Variants in RBM4B observed in about 807,000 individuals in gnomAD.
The protein encoded by RBM4B is RNA binding motif protein 4B, also known as RNA-binding protein 4B.
RBM4B carries 13 observed loss-of-function variants against 28.5 expected under a neutral mutation model. The observed-to-expected ratio is 0.46, with a 90% CI of 0.30 to 0.72. RBM4B has a LOEUF of 0.72. RBM4B is among the 30% of genes least tolerant of loss of function. RBM4B has a pLI of 0.09. For synonymous variants in RBM4B, 167 were observed against 179.1 expected (o/e 0.93, Z 0.54); for missense variants, 387 against 477.6 (o/e 0.81, Z 1.77).
At chr11:66,672,508 G>A (rs895570411) in intron 2 of RBM4B, among the ~76,000 whole-genome samples, 2 of 150,638 alleles carry the variant, frequency 1.3e-5, no homozygotes, top group Non-Finnish European at 3.0e-5. Flanking sequence ...ATTTTTTTGG[G>A]GGGGGGGGAC....
intron 2 of RBM4B, among the ~76,000 whole-genome samples, chr11:66,669,499 T>A (rs532431551): frequency 7.2e-4 from 110 of 151,886 alleles, no homozygotes; most frequent in African/African-American, 2.5e-3. Flanking sequence ...CAGGCTGGAG[T>A]GCAGTGGCAC....
chr11:66,673,781 G>A (rs1939547555), intron 2 of RBM4B, among the ~76,000 whole-genome samples: 1 of 152,136 alleles, frequency 6.6e-6, no homozygotes, highest in African/African-American at 2.4e-5. Context: ...CTTTTAAGAG[G>A]CCACCTTCAT....
intron 3 of RBM4B, chr11:66,667,812 T>G (rs1291382460): frequency 6.6e-6 from 1 of 151,956 alleles, no homozygotes; most frequent in Non-Finnish European, 1.5e-5. Context: ...GCTCAAGCAA[T>G]CCTTCCAACC....
At position 66,668,791 on chromosome 11, in the gene RBM4B, G is replaced by A; in HGVS notation, c.913C>T (p.Pro305Ser). Residue 305 changes from proline to serine, a missense_variant, in exon 3 of 4, where the codon CCA (proline) becomes TCA (serine). By Grantham distance (74) the Pro-to-Ser change is moderately conservative (BLOSUM62 -1). This residue lies in a region of RBM4B where 226 missense variants were observed against 220.6 expected (regional missense o/e 1.02). Coordinates refer to ENST00000310046, the MANE Select transcript of RBM4B (RefSeq NM_031492.4). ...TSSYYGRDRS[P>S]LRRAAAMLPT... is the part of the protein sequence containing the mutation. ...AGCATGGCTGCAGCACGACGCAGTGGGCTCCTGTCCCTTCCATAGTAGGAG... is the reference window on the plus strand; with the variant it reads ...AGCATGGCTGCAGCACGACGCAGTGAGCTCCTGTCCCTTCCATAGTAGGAG... 1 of 1,614,220 alleles carries A rather than the reference G, an allele frequency of 6.2e-7. No homozygotes were observed. Among genetic ancestry groups the A allele is most frequent in the Non-Finnish European group, 8.5e-7 (1 of 1,180,042 alleles).
Position 66,677,280 on chromosome 11 carries a change from C to G in RBM4B, c.-12-189G>C, listed in dbSNP as rs865956683. ...GTGCGAGCTATGCGTGACATGCAAACAGGAGGTCGAGGGTCAGCATGCATA... is the reference window on the plus strand; with the variant it reads ...GTGCGAGCTATGCGTGACATGCAAAGAGGAGGTCGAGGGTCAGCATGCATA... On this transcript the variant is annotated intron_variant, in intron 1 of 3. Coordinates refer to ENST00000310046, the MANE Select transcript of RBM4B (RefSeq NM_031492.4). The G allele has an allele frequency of 5.7e-6, 4 of 702,220 alleles. No individual in the cohort carries two copies. In the South Asian group the frequency reaches 7.9e-5, roughly 14 times the overall value. 43.5% of individuals were successfully genotyped at this position (702,220 alleles called of 1,614,324 possible).
intron 3 of RBM4B, 37 bp from the exon 4 acceptor site, chr11:66,665,615 C>T: frequency 2.6e-6 from 4 of 1,535,796 alleles, no homozygotes; most frequent in South Asian, 1.2e-5. Flanking sequence ...TTACACAATG[C>T]CTGGAGAGCA....
chr11:66,677,392 C>A (rs1343597865), intron 1 of RBM4B: 2 of 428,474 alleles, frequency 4.7e-6, no homozygotes, highest in African/African-American at 2.0e-5. Flanking sequence ...AGAGAAAAGC[C>A]CAAGCAAAGG....
At position 66,676,882 on chromosome 11, in the gene RBM4B, G is replaced by A. The variant is rs757657617; in HGVS notation, c.198C>T (p.Asn66=). 1.9e-6 allele frequency: 3 copies of A among 1,614,114 alleles called. No homozygotes were observed. Among genetic ancestry groups the A allele is most frequent in the Non-Finnish European group, 2.5e-6 (3 of 1,180,016 alleles). Reference sequence around the variant, plus strand: ...TGCTCTTATTCTTGCTGGCTTCCACGTTGATGTTCACCCCATGAAGCTTGT... The same window carrying A: ...TGCTCTTATTCTTGCTGGCTTCCACATTGATGTTCACCCCATGAAGCTTGT... ...HHYKLHGVNI[N]VEASKNKSKA... The change falls in exon 2 of 4, where the codon AAC becomes AAT. Residue 66 remains asparagine, a synonymous_variant. Transcript: ENST00000310046.
intron 3 of RBM4B, chr11:66,666,230 C>T: frequency 1.1e-6 from 1 of 936,640 alleles, no homozygotes; most frequent in Non-Finnish European, 1.4e-6. Flanking sequence ...ATGATGGGAA[C>T]TCCAGACACC....
chr11:66,677,576 C>G (rs1022986761), intron 1 of RBM4B, 188 bp downstream of exon 1: 1 of 158,616 alleles, frequency 6.3e-6, no homozygotes, highest in Admixed American at 6.2e-5. Flanking sequence ...GCTTCTTCGC[C>G]CCAACAAAGA....
chr11:66,667,722 G>C (rs1212754814), intron 3 of RBM4B: 5 of 119,240 alleles, frequency 4.2e-5, no homozygotes, highest in Non-Finnish European at 1.1e-4. Flanking sequence ...TTAAATAAAG[G>C]AGAGACAGTC....
At chr11:66,665,684 G>GAA (rs1939201804) in intron 3 of RBM4B, 106 bp from the exon 4 acceptor site, 2 of 1,508,464 alleles carry the variant, frequency 1.3e-6, no homozygotes, top group Admixed American at 4.4e-5. Flanking sequence ...GGAAAAAAAA[G>GAA]AACAAAACAA....
At chr11:66,677,531 G>C (rs1464626456) in intron 1 of RBM4B, 1 of 161,062 alleles carries the variant, frequency 6.2e-6, no homozygotes. Context: ...CCAAACCGGG[G>C]ACCAACCACC....
chr11:66,668,715 T>A lies in RBM4B; in HGVS notation c.989A>T (p.Gln330Leu), dbSNP rs778851192. ...AGAATTCCGTGTAGCTGCGGAAGCC[T>A]GAGATAATTCACTCTCTGGCCCATA... ...YGYGPESELS[Q>L]ASAATRNSLY... The change falls in exon 3 of 4, where the codon CAG (glutamine) becomes CTG (leucine). Residue 330 changes from glutamine (Q) to leucine (L), a missense_variant. This residue lies in a region of RBM4B where 226 missense variants were observed against 220.6 expected (regional missense o/e 1.02). Coordinates refer to ENST00000310046, the MANE Select transcript of RBM4B (RefSeq NM_031492.4). 1.6e-5 allele frequency: 25 copies of A among 1,611,762 alleles called. No individual in the cohort carries two copies. The highest frequency in any genetic ancestry group is 8.5e-7 in the Non-Finnish European group (1 of 1,177,950).
intron 2 of RBM4B, chr11:66,671,033 C>G (rs1378285474): frequency 5.7e-6 from 4 of 702,436 alleles, no homozygotes; most frequent in East Asian, 2.7e-5. Flanking sequence ...GTGCCATGCA[C>G]TGACCCTGAG....
At chr11:66,677,284 A>AG (rs1370968425) in intron 1 of RBM4B, 193 bp from the exon 2 acceptor site, 1 of 674,820 alleles carries the variant, frequency 1.5e-6, no homozygotes, top group African/African-American at 1.8e-5. Flanking sequence ...TGCAAACAGG[A>AG]GGTCGAGGGT....
intron 3 of RBM4B, chr11:66,665,955 G>A: frequency 1.3e-6 from 2 of 1,531,674 alleles, no homozygotes; most frequent in African/African-American, 1.4e-5. Flanking sequence ...AGGAAAAGCA[G>A]AAGATGCTGA....
At chr11:66,671,041 G>T (rs1939447591) in intron 2 of RBM4B, 3 of 702,332 alleles carry the variant, frequency 4.3e-6, no homozygotes, top group Non-Finnish European at 7.8e-6. Flanking sequence ...CACTGACCCT[G>T]AGAGGGGAGC....
chr11:66,669,568 T>C (rs1939393319), intron 2 of RBM4B, among the ~76,000 whole-genome samples: 1 of 151,978 alleles, frequency 6.6e-6, no homozygotes, highest in Admixed American at 6.6e-5. Context: ...TGCCTCAGCC[T>C]CCCGAGTAGC....
Sources: allele counts gnomAD v4.1 joint callset (sites outside exome capture counted in the v4.1 genomes callset), GRCh38; gene constraint gnomAD v4.1.1; regional missense constraint gnomAD v4.1.1; transcripts MANE v1.5; gene names NCBI Gene and HGNC (gene_info 2026-07-23, HGNC 2026-07-21).